ABI1: variants seen among roughly 807,000 people sequenced by gnomAD.
The protein encoded by ABI1 is abl interactor 1.
ABI1 carries 14 observed loss-of-function variants against 54.6 expected under a neutral mutation model. That is an observed-to-expected ratio of 0.26 (90% CI 0.17 to 0.40). The LOEUF (loss-of-function observed/expected upper bound fraction) is 0.40, where lower values mean the gene tolerates loss of function less well. Ranked by LOEUF, ABI1 falls within the 10% of genes least tolerant of loss-of-function variation. The pLI is 1.00. For missense variants in ABI1, 443 were observed against 598.3 expected, an observed-to-expected ratio of 0.74 and a Z score of 2.71; for synonymous variants, 194 against 209.3, an observed-to-expected ratio of 0.93 and a Z score of 0.63.
intron 2 of ABI1, among the ~76,000 whole-genome samples, chr10:26,793,918 C>T (rs1843776068): frequency 6.6e-6 from 1 of 152,064 alleles, no homozygotes; most frequent in African/African-American, 2.4e-5. Context: ...TAGTGAGACC[C>T]TGTGTCTACA....
At chr10:26,833,196 C>T (rs1215684418) in intron 1 of ABI1, among the ~76,000 whole-genome samples, 1 of 152,166 alleles carries the variant, frequency 6.6e-6, no homozygotes, top group Non-Finnish European at 1.5e-5. Flanking sequence ...TTGTGACTGA[C>T]AGGAATGCCA....
rs574763992 is a variant in ABI1, at chr10:26,800,203, G to C, written c.285+22935C>G. On this transcript the variant is annotated intron_variant, in intron 2 of 10. Transcript: ENST00000376140. ...GTTCAAGACCAGCCTGGCCAACATG[G>C]TGAAACCCCGTCTCTACTAAAAATA... Among the ~76,000 whole-genome samples, 10 of 152,102 alleles carry C rather than the reference G, an allele frequency of 6.6e-5. No individual in the cohort carries two copies. In the South Asian group the frequency reaches 1.5e-3, roughly 22 times the overall value.
chr10:26,747,045 A>AG lies in ABI1; in HGVS notation c.*1524dup, dbSNP rs199886501. 2,413 of 230,540 alleles carry AG rather than the reference A, an allele frequency of 0.01. 14 individuals are homozygous for AG. Among genetic ancestry groups the AG allele is most frequent in the Non-Finnish European group, 0.015 (1,759 of 116,002 alleles). The allele number at this position is 230,540 out of a possible 1,614,324, so 14.3% of individuals were successfully genotyped here. A position where few individuals can be genotyped will look rare whatever the true frequency, so the allele number is the denominator to read the frequency against. ...TACTTTGTTTGTTTAAAATTAACAA[A>AG]GGCAAAATGCATATGAAATAGTCAC... On this transcript the variant is annotated 3_prime_UTR_variant, in exon 11 of 11. Coordinates refer to ENST00000376140, the MANE Select transcript of ABI1 (RefSeq NM_001012750.3).
intron 9 of ABI1, among the ~76,000 whole-genome samples, chr10:26,752,578 T>A (rs1265335650): frequency 3.3e-5 from 5 of 152,022 alleles, no homozygotes; most frequent in Non-Finnish European, 7.4e-5. Context: ...CAATTAAGAT[T>A]TAAACATAAA....
At position 26,748,408 on chromosome 10, in the gene ABI1, C is replaced by A; in HGVS notation, c.*162G>T. On this transcript the variant is annotated 3_prime_UTR_variant, in exon 11 of 11. Transcript: ENST00000376140. ...TGCTATTCAGCAATACATAAACTGC[C>A]TCAAAGATTTATGCTTACAGGTAGA... 1.8e-6 allele frequency: 1 copy of A among 553,310 alleles called. No homozygotes were observed. Among genetic ancestry groups the A allele is most frequent in the Non-Finnish European group, 3.1e-6 (1 of 326,332 alleles). 34.3% of individuals were successfully genotyped at this position (553,310 alleles called of 1,614,324 possible). A position where few individuals can be genotyped will look rare whatever the true frequency, so the allele number is the denominator to read the frequency against.
intron 3 of ABI1, among the ~76,000 whole-genome samples, chr10:26,774,136 C>T (rs113096394): frequency 1.3e-5 from 2 of 152,154 alleles, no homozygotes; most frequent in African/African-American, 4.8e-5. Flanking sequence ...CTCCAGTATA[C>T]TTTACATCAT....
intron 1 of ABI1, among the ~76,000 whole-genome samples, chr10:26,847,582 C>G (rs2050073609): frequency 2.0e-5 from 3 of 151,670 alleles, no homozygotes; most frequent in Non-Finnish European, 4.4e-5. Context: ...TGAGATCGCA[C>G]CACTGTACTA....
In ABI1 at chr10:26,860,690, G is replaced by A; in HGVS notation, c.117+57C>T. On this transcript the variant is annotated intron_variant, in intron 1 of 10. Transcript: ENST00000376140. This position sits in a 1 kb window ranked among gnomAD's most constrained non-coding sequence, Gnocchi z 4.1. ...GTTCCCCACCCCGCCCAGTGGGCTG[G>A]TCACTCCGGCGGGTCCTCGACCCGG... is the stretch of plus-strand genomic sequence containing the variant. 2.1e-6 allele frequency: 3 copies of A among 1,407,552 alleles called. No homozygotes were observed. The highest frequency in any genetic ancestry group is 3.0e-6 in the Non-Finnish European group (3 of 995,652). 87.2% of individuals were successfully genotyped at this position (1,407,552 alleles called of 1,614,324 possible).
At chr10:26,748,845 A>T in intron 10 of ABI1, 100 bp from the exon 11 acceptor site, 1 of 841,392 alleles carries the variant, frequency 1.2e-6, no homozygotes. Context: ...CAGCAAAACT[A>T]TTTTTATGAA....
intron 2 of ABI1, among the ~76,000 whole-genome samples, chr10:26,789,411 CA>C (rs1426278310): frequency 1.3e-5 from 2 of 152,132 alleles, no homozygotes; most frequent in African/African-American, 4.8e-5. Context: ...ATTTGAATTA[CA>C]TATGTTTTAT....
intron 1 of ABI1, among the ~76,000 whole-genome samples, chr10:26,832,329 T>C (rs1055048650): frequency 6.6e-6 from 1 of 152,106 alleles, no homozygotes; most frequent in East Asian, 1.9e-4. Flanking sequence ...ACTCCTGTAA[T>C]CCCAGCACTT....
chr10:26,794,896 C>G (rs1843941324), intron 2 of ABI1, among the ~76,000 whole-genome samples: 1 of 152,104 alleles, frequency 6.6e-6, no homozygotes, highest in South Asian at 2.1e-4. Flanking sequence ...GTAATCCCAG[C>G]ACTTTGGGAG....
intron 2 of ABI1, among the ~76,000 whole-genome samples, chr10:26,798,212 C>T (rs1844435489): frequency 6.6e-6 from 1 of 151,724 alleles, no homozygotes; most frequent in African/African-American, 2.4e-5. Flanking sequence ...TTAAAATACC[C>T]TTTGGGCTTG....
At chr10:26,801,285 T>C (rs1588918743) in intron 2 of ABI1, among the ~76,000 whole-genome samples, 1 of 151,932 alleles carries the variant, frequency 6.6e-6, no homozygotes, top group Non-Finnish European at 1.5e-5. Flanking sequence ...CGGTGGCTCA[T>C]ACCTATAATC....
At chr10:26,820,867 A>T (rs551107437) in intron 2 of ABI1, among the ~76,000 whole-genome samples, 2 of 152,076 alleles carry the variant, frequency 1.3e-5, no homozygotes, top group African/African-American at 4.8e-5. Context: ...ATTTAGAGGG[A>T]CATTTACAGA....
intron 2 of ABI1, among the ~76,000 whole-genome samples, chr10:26,787,364 C>A (rs147043536): frequency 9.1e-4 from 139 of 152,306 alleles, no homozygotes; most frequent in African/African-American, 3.0e-3. Context: ...CTATTTTTCT[C>A]AAACATCATG....
chr10:26,746,609 T>A lies in ABI1; in HGVS notation c.*1961A>T, dbSNP rs1450974810. ...ATATCAAACTTATTGATGGGCAATT[T>A]ATTTTTTTTTATTGCAAAAGTTTTT... On this transcript the variant is annotated 3_prime_UTR_variant, in exon 11 of 11. Coordinates refer to ENST00000376140, the MANE Select transcript of ABI1 (RefSeq NM_001012750.3). 1.1e-6 allele frequency: 1 copy of A among 925,032 alleles called. No homozygotes were observed. Among genetic ancestry groups the A allele is most frequent in the African/African-American group, 1.7e-5 (1 of 59,596 alleles). The allele number at this position is 925,032 out of a possible 1,614,324, so 57.3% of individuals were successfully genotyped here. A position where few individuals can be genotyped will look rare whatever the true frequency, so the allele number is the denominator to read the frequency against.
At chr10:26,765,106 G>A (rs937245818) in intron 7 of ABI1, 112 bp downstream of exon 7, 11 of 757,560 alleles carry the variant, frequency 1.5e-5, no homozygotes, top group African/African-American at 5.5e-5. Context: ...TTCTAGCAAC[G>A]ATCACAAATT....
intron 1 of ABI1, among the ~76,000 whole-genome samples, chr10:26,856,711 C>G (rs2050848362): frequency 6.6e-6 from 1 of 152,112 alleles, no homozygotes; most frequent in African/African-American, 2.4e-5. Flanking sequence ...TGGTAGAAAT[C>G]CAGACAAAAA....
Sources: allele counts gnomAD v4.1 joint callset (sites outside exome capture counted in the v4.1 genomes callset), GRCh38; gene constraint gnomAD v4.1.1; non-coding constraint Gnocchi (gnomAD v3.1); transcripts MANE v1.5; gene names NCBI Gene and HGNC (gene_info 2026-07-23, HGNC 2026-07-21).